Variants in MMP26 observed in about 807,000 individuals in gnomAD.
MMP26 encodes matrix metallopeptidase 26.
A neutral mutation model predicts 31.0 loss-of-function variants in MMP26; 33 were observed. That is an observed-to-expected ratio of 1.06 (90% CI 0.81 to 1.42). The LOEUF is 1.42. Among genes scored for constraint, MMP26 ranks in the 40% most tolerant of loss-of-function variants. MMP26 has a pLI of 0.00. For missense variants in MMP26, 347 were observed against 316.1 expected, an observed-to-expected ratio of 1.10 and a Z score of -0.74; for synonymous variants, 122 against 114.9, an observed-to-expected ratio of 1.06 and a Z score of -0.40.
At chr11:4,884,201 G>A (rs545089981) in intron 2 of MMP26, among the ~76,000 whole-genome samples, 50 of 152,086 alleles carry the variant, frequency 3.3e-4, no homozygotes, top group Admixed American at 4.6e-4. Flanking sequence ...AGTGTGTGGC[G>A]GGACTCACAC....
In MMP26 at chr11:4,854,839, AG is replaced by A. The variant is rs1850026601; in HGVS notation, c.-145+87499del. On this transcript the variant is annotated intron_variant, in intron 2 of 7. Coordinates refer to ENST00000380390, the MANE Select transcript of MMP26 (RefSeq NM_021801.5). ...GTAGGGGCCAACTGACACCTCTTAC[AG>A]CTGGTTGCCCCTCTGAGACGAAGCT... 2.6e-5 allele frequency among the ~76,000 whole-genome samples: 4 copies of A among 152,156 alleles called. No homozygotes were observed. The South Asian group carries it at 8.3e-4, about 31-fold the overall frequency.
At position 4,930,970 on chromosome 11, in the gene MMP26, A is replaced by G. The variant is rs141260214; in HGVS notation, c.-144-57098A>G. On this transcript the variant is annotated intron_variant, in intron 2 of 7. Coordinates refer to ENST00000380390, the MANE Select transcript of MMP26 (RefSeq NM_021801.5). Reference sequence around the variant, plus strand: ...AGTAGTTGAAGTATTTTAAGAGTCTAAGTATAGATACAACTAAAGATAATT... The same window carrying G: ...AGTAGTTGAAGTATTTTAAGAGTCTGAGTATAGATACAACTAAAGATAATT... Among the ~76,000 whole-genome samples the G allele has an allele frequency of 1.3e-3, 193 of 152,174 alleles. 2 individuals are homozygous for G. The highest frequency in any genetic ancestry group is 4.4e-3 in the African/African-American group (183 of 41,546).
At position 4,927,665 on chromosome 11, in the gene MMP26, A is replaced by G. The variant is rs114099569; in HGVS notation, c.-144-60403A>G. ...GACAGTTGGAGAGAAAAGGGCTTGG[A>G]GGACATACTTCCATCCAGAGCTCAG... On this transcript the variant is annotated intron_variant, in intron 2 of 7. Transcript: ENST00000380390. 5.9e-3 allele frequency among the ~76,000 whole-genome samples: 904 copies of G among 152,214 alleles called. 5 individuals carry two copies. The highest frequency in any genetic ancestry group is 0.021 in the African/African-American group (869 of 41,550).
At chr11:4,920,904 C>T (rs1043550576) in intron 2 of MMP26, among the ~76,000 whole-genome samples, 1 of 152,098 alleles carries the variant, frequency 6.6e-6, no homozygotes, top group African/African-American at 2.4e-5. Context: ...TAAATAAATC[C>T]AGTCATTACT....
At chr11:4,986,932 C>CTCTCCCTCTCCCTCTCT (rs1564819722) in intron 2 of MMP26, among the ~76,000 whole-genome samples, 1 of 60,408 alleles carries the variant, frequency 1.7e-5, no homozygotes, top group Non-Finnish European at 3.1e-5. Flanking sequence ...TCTCTCTCTC[C>CTCTCCCTCTCCCTCTCT]CTCTCTCTCT....
chr11:4,836,334 A>AT (rs1460679463), intron 2 of MMP26, among the ~76,000 whole-genome samples: 2 of 151,798 alleles, frequency 1.3e-5, no homozygotes, highest in African/African-American at 4.8e-5. Context: ...AGCACCTGAG[A>AT]TTTTTTGGTT....
intron 2 of MMP26, among the ~76,000 whole-genome samples, chr11:4,830,918 AGCAATT>A (rs1274563195): frequency 6.6e-6 from 1 of 152,218 alleles, no homozygotes. Context: ...CAGGGCCAGT[AGCAATT>A]GCACTGTAAG....
chr11:4,960,267 A>C (rs1310281704), intron 2 of MMP26, among the ~76,000 whole-genome samples: 1 of 152,116 alleles, frequency 6.6e-6, no homozygotes, highest in Non-Finnish European at 1.5e-5. Flanking sequence ...ACGTTTTTGG[A>C]TAGTACTTAA....
intron 2 of MMP26, among the ~76,000 whole-genome samples, chr11:4,897,821 T>A (rs754628328): frequency 1.2e-4 from 18 of 151,646 alleles, no homozygotes; most frequent in Non-Finnish European, 2.5e-4. Flanking sequence ...ATGTAATTAT[T>A]AAGTACATGT....
chr11:4,923,960 G>C, intron 2 of MMP26: 11 of 1,614,128 alleles, frequency 6.8e-6, no homozygotes, highest in Non-Finnish European at 9.3e-6. Context: ...GTTGCAGACG[G>C]CCACGTAGCG....
intron 2 of MMP26, among the ~76,000 whole-genome samples, chr11:4,852,093 T>C (rs2133500976): frequency 6.6e-6 from 1 of 152,084 alleles, no homozygotes; most frequent in Admixed American, 6.5e-5. Context: ...AGTAAGAAGG[T>C]CGAAAATTAT....
rs554394456 is a variant in MMP26, at chr11:4,977,164, A to G, written c.-144-10904A>G. The stretch of plus-strand genomic sequence containing the variant: ...TTACTCATATTTGTCTTTGATAATG[A>G]TGTTGTTGCACGTTGAAATCCCTTT... On this transcript the variant is annotated intron_variant, in intron 2 of 7. Transcript: ENST00000380390. 1.9e-3 allele frequency among the ~76,000 whole-genome samples: 283 copies of G among 151,970 alleles called. 5 individuals are homozygous for G. Among genetic ancestry groups the G allele is most frequent in the African/African-American group, 6.7e-3 (277 of 41,274 alleles).
rs73397062 is a variant in MMP26, at chr11:4,771,611, T to C, written c.-145+4270T>C. On this transcript the variant is annotated intron_variant, in intron 2 of 7. Transcript: ENST00000380390. ...TTCTGGGGAGAATTAAATTAAATAATAGCAGTATTCATGAGTATAATGTTA... is the reference window on the plus strand; with the variant it reads ...TTCTGGGGAGAATTAAATTAAATAACAGCAGTATTCATGAGTATAATGTTA... Among the ~76,000 whole-genome samples the C allele has an allele frequency of 5.0e-3, 755 of 152,324 alleles. 3 individuals carry two copies. Among genetic ancestry groups the C allele is most frequent in the African/African-American group, 0.016 (686 of 41,576 alleles).
intron 1 of MMP26, chr11:4,723,271 A>C: frequency 6.4e-6 from 7 of 1,094,100 alleles, no homozygotes; most frequent in Non-Finnish European, 8.4e-6. Context: ...TGCAGATCTC[A>C]GTCTTGTGCG....
In MMP26 at chr11:4,950,066, A is replaced by C. The variant is rs1027445714; in HGVS notation, c.-144-38002A>C. On this transcript the variant is annotated intron_variant, in intron 2 of 7. Coordinates refer to ENST00000380390, the MANE Select transcript of MMP26 (RefSeq NM_021801.5). ...ACAGTGACACAATTCTATAAGGAATAGATGGTATTTACAATAGATAGAGCA... is the reference window on the plus strand; with the variant it reads ...ACAGTGACACAATTCTATAAGGAATCGATGGTATTTACAATAGATAGAGCA... 1.2e-4 allele frequency among the ~76,000 whole-genome samples: 15 copies of C among 123,874 alleles called. 3 individuals carry two copies. Among genetic ancestry groups the C allele is most frequent in the Non-Finnish European group, 1.8e-4 (10 of 54,550 alleles). 81.3% of individuals were successfully genotyped at this position (123,874 alleles called of 152,430 possible). A position where few individuals can be genotyped will look rare whatever the true frequency, so the allele number is the denominator to read the frequency against.
At chr11:4,937,126 G>A (rs111401328) in intron 2 of MMP26, among the ~76,000 whole-genome samples, 2,844 of 152,204 alleles carry the variant, frequency 0.019, 35 homozygotes, top group Middle Eastern at 0.037. Context: ...TGAAGGCTTA[G>A]ATTATTGGAT....
At chr11:4,963,745 G>T (rs189426373) in intron 2 of MMP26, among the ~76,000 whole-genome samples, 1 of 152,108 alleles carries the variant, frequency 6.6e-6, no homozygotes, top group Non-Finnish European at 1.5e-5. Flanking sequence ...GTGTAAAAGC[G>T]TTCCTTTTTC....
chr11:4,820,432 A>T (rs1849479326), intron 2 of MMP26, among the ~76,000 whole-genome samples: 1 of 152,114 alleles, frequency 6.6e-6, no homozygotes, highest in Non-Finnish European at 1.5e-5. Context: ...GGTATTATTT[A>T]TCATAGTGTA....
chr11:4,985,346 G>T lies in MMP26; in HGVS notation c.-144-2722G>T, dbSNP rs530700207. On this transcript the variant is annotated intron_variant, in intron 2 of 7. Coordinates refer to ENST00000380390, the MANE Select transcript of MMP26 (RefSeq NM_021801.5). ...TTACAAAGTTGATAGAGGTTATCAG[G>T]AATAACAATCTCTATACCATATTTG... is the stretch of plus-strand genomic sequence containing the variant. 2.0e-4 allele frequency among the ~76,000 whole-genome samples: 31 copies of T among 152,236 alleles called. No homozygotes were observed. In the South Asian group the frequency reaches 3.3e-3, roughly 16 times the overall value.
Sources: gnomAD v4.1 joint callset for allele counts (sites outside exome capture counted in the v4.1 genomes callset) on GRCh38, gnomAD v4.1.1 for gene constraint, MANE v1.5 for transcripts, NCBI Gene and HGNC (gene_info 2026-07-23, HGNC 2026-07-21) for gene names.